Variants in ERBB4 observed in about 807,000 individuals in gnomAD.
ERBB4 encodes erb-b2 receptor tyrosine kinase 4.
Under a neutral mutation model 158.0 loss-of-function variants are expected in ERBB4, and 42 were observed. That is an observed-to-expected ratio of 0.27 (90% CI 0.21 to 0.34). ERBB4 has a LOEUF of 0.34. ERBB4 is among the 10% of genes least tolerant of loss of function. The pLI, the probability that ERBB4 is intolerant of heterozygous loss-of-function variation, is 1.00. For synonymous variants in ERBB4, 583 were observed against 558.7 expected (o/e 1.04, Z -0.61); for missense variants, 1,333 against 1,624.1 (o/e 0.82, Z 3.08).
At chr2:211,734,713 G>A (rs78582732) in intron 5 of ERBB4, among the ~76,000 whole-genome samples, 4,692 of 149,932 alleles carry the variant, frequency 0.031, 258 homozygotes, top group East Asian at 0.19. Flanking sequence ...GAGGTCAGGA[G>A]ATCGAGACCA....
rs1416437272 is a variant in ERBB4, at chr2:211,514,913, A to T, written c.2487+46990T>A. 3.9e-5 allele frequency among the ~76,000 whole-genome samples: 6 copies of T among 152,266 alleles called. No homozygotes were observed. The East Asian group carries it at 1.2e-3, about 29-fold the overall frequency. On this transcript the variant is annotated intron_variant, in intron 20 of 27. Transcript: ENST00000342788. ...AGCATTTTGGATTTTGATTTTCCAGATTAGAGATGCTCAACCTGTACTAAA... is the reference window on the plus strand; with the variant it reads ...AGCATTTTGGATTTTGATTTTCCAGTTTAGAGATGCTCAACCTGTACTAAA...
At chr2:211,589,124 A>C (rs2068382971) in intron 19 of ERBB4, among the ~76,000 whole-genome samples, 1 of 152,170 alleles carries the variant, frequency 6.6e-6, no homozygotes, top group African/African-American at 2.4e-5. Flanking sequence ...CCTAGGTAAG[A>C]TCTCAAGCCA....
At chr2:212,205,545 A>G (rs1194250369) in intron 1 of ERBB4, among the ~76,000 whole-genome samples, 2 of 152,198 alleles carry the variant, frequency 1.3e-5, no homozygotes, top group Non-Finnish European at 1.5e-5. Flanking sequence ...TTTTTACTCC[A>G]TTAGTGAAAA....
In ERBB4 at chr2:211,772,946, TATATA is replaced by T. The variant is rs1274634806; in HGVS notation, c.556+15074_556+15078del. On this transcript the variant is annotated intron_variant, in intron 4 of 27. Coordinates refer to ENST00000342788, the MANE Select transcript of ERBB4 (RefSeq NM_005235.3). ...ACACATATATATATATATATATATA[TATATA>T]TATATTTTTTTTTTTAAAGATGGGG... Among the ~76,000 whole-genome samples the T allele has an allele frequency of 4.8e-4, 41 of 85,508 alleles. 5 individuals are homozygous for T. In the East Asian group the frequency reaches 5.8e-3, roughly 12 times the overall value. 56.1% of individuals were successfully genotyped at this position (85,508 alleles called of 152,430 possible).
chr2:211,573,557 C>T (rs1454812019), intron 19 of ERBB4, among the ~76,000 whole-genome samples: 1 of 152,094 alleles, frequency 6.6e-6, no homozygotes, highest in East Asian at 1.9e-4. Flanking sequence ...GTAGTCCCAG[C>T]TACCCGGGAG....
chr2:211,822,112 A>G (rs1391855609), intron 3 of ERBB4, among the ~76,000 whole-genome samples: 1 of 151,968 alleles, frequency 6.6e-6, no homozygotes, highest in Admixed American at 6.6e-5. Flanking sequence ...TCTTAGAAGT[A>G]AAAAGTAGAA....
chr2:211,436,556 A>C (rs902096458), intron 20 of ERBB4, among the ~76,000 whole-genome samples: 6 of 152,238 alleles, frequency 3.9e-5, no homozygotes, highest in African/African-American at 1.2e-4. Context: ...GGCATATAGT[A>C]AGTGTAGAAC....
intron 2 of ERBB4, among the ~76,000 whole-genome samples, chr2:212,030,745 T>C (rs1161565331): frequency 3.3e-5 from 5 of 152,094 alleles, no homozygotes; most frequent in African/African-American, 9.7e-5. Context: ...AGTTCAATAA[T>C]TGGTTGTGGA....
At chr2:212,503,285 C>A in intron 1 of ERBB4, among the ~76,000 whole-genome samples, 1 of 152,122 alleles carries the variant, frequency 6.6e-6, no homozygotes, top group Non-Finnish European at 1.5e-5. Flanking sequence ...GTTACCAAAT[C>A]AAAATATGAT....
chr2:212,368,694 A>C (rs574042233), intron 1 of ERBB4, among the ~76,000 whole-genome samples: 7 of 152,226 alleles, frequency 4.6e-5, no homozygotes, highest in African/African-American at 1.7e-4. Flanking sequence ...TTGTAAAATG[A>C]TCAAGCTAGG....
In ERBB4 at chr2:212,036,814, T is replaced by C. The variant is rs973183408; in HGVS notation, c.234+87938A>G. On this transcript the variant is annotated intron_variant, in intron 2 of 27. Transcript: ENST00000342788. ...ATATTCCATGCAAGTTTAGATTCTATTAAAAAAATACTAACAACTACCCTT... is the reference window on the plus strand; with the variant it reads ...ATATTCCATGCAAGTTTAGATTCTACTAAAAAAATACTAACAACTACCCTT... Among the ~76,000 whole-genome samples the C allele has an allele frequency of 5.3e-5, 8 of 152,138 alleles. No homozygotes were observed. In the South Asian group the frequency reaches 1.0e-3, roughly 20 times the overall value.
chr2:212,045,289 T>C (rs1454828633), intron 2 of ERBB4, among the ~76,000 whole-genome samples: 1 of 151,988 alleles, frequency 6.6e-6, no homozygotes, highest in Non-Finnish European at 1.5e-5. Context: ...GCGAAATCTG[T>C]CTCTACTAAA....
At chr2:211,969,092 A>C (rs538564606) in intron 2 of ERBB4, among the ~76,000 whole-genome samples, 1 of 152,184 alleles carries the variant, frequency 6.6e-6, no homozygotes, top group African/African-American at 2.4e-5. Flanking sequence ...GATGCAGAGA[A>C]GCTTTATATC....
At chr2:211,705,524 A>T (rs546530676) in intron 9 of ERBB4, 133 bp from the exon 10 acceptor site, 1 of 689,480 alleles carries the variant, frequency 1.5e-6, no homozygotes, top group Admixed American at 2.3e-5. Flanking sequence ...TGTTTAAATT[A>T]ATCTGTGCTA....
At chr2:211,671,647 G>C (rs1177234486) in intron 14 of ERBB4, among the ~76,000 whole-genome samples, 2 of 152,116 alleles carry the variant, frequency 1.3e-5, no homozygotes, top group South Asian at 4.1e-4. Context: ...ATTCAGATGA[G>C]AGGGCCAAAT....
chr2:212,233,988 T>C lies in ERBB4; in HGVS notation c.83-109085A>G. Among the ~76,000 whole-genome samples the C allele has an allele frequency of 1.3e-5, 2 of 149,042 alleles. 1 individual carries two copies. The highest frequency in any genetic ancestry group is 4.9e-5 in the African/African-American group (2 of 40,946). The stretch of plus-strand genomic sequence containing the variant: ...TTTATTATTATTATTATTATTATTA[T>C]TATTATTATTATTATGCTTTAAGTC... On this transcript the variant is annotated intron_variant, in intron 1 of 27. Coordinates refer to ENST00000342788, the MANE Select transcript of ERBB4 (RefSeq NM_005235.3).
At chr2:211,576,819 T>G (rs2067907182) in intron 19 of ERBB4, among the ~76,000 whole-genome samples, 1 of 152,128 alleles carries the variant, frequency 6.6e-6, no homozygotes, top group African/African-American at 2.4e-5. Flanking sequence ...AAAAACTGAA[T>G]GCAAGTAAAC....
At chr2:211,738,111 G>T (rs775397111) in intron 5 of ERBB4, among the ~76,000 whole-genome samples, 1 of 151,916 alleles carries the variant, frequency 6.6e-6, no homozygotes, top group Non-Finnish European at 1.5e-5. Flanking sequence ...AGTCTACATG[G>T]TGATTTTTAC....
In ERBB4 at chr2:212,142,392, C is replaced by A. The variant is rs1575694916; in HGVS notation, c.83-17489G>T. On this transcript the variant is annotated intron_variant, in intron 1 of 27. Transcript: ENST00000342788. ...GATGGATGGACGCATAAATGAATGA[C>A]TGTTGATATTTTGGAATTCTGGCTA... Among the ~76,000 whole-genome samples, 3 of 151,648 alleles carry A rather than the reference C, an allele frequency of 2.0e-5. No homozygotes were observed. The South Asian group carries it at 6.3e-4, about 32-fold the overall frequency.
Sources: allele counts gnomAD v4.1 joint callset (sites outside exome capture counted in the v4.1 genomes callset), GRCh38; gene constraint gnomAD v4.1.1; transcripts MANE v1.5; gene names NCBI Gene and HGNC (gene_info 2026-07-23, HGNC 2026-07-21).